Variants in RICTOR observed in about 807,000 individuals in gnomAD.
RICTOR encodes rapamycin-insensitive companion of mTOR.
A neutral mutation model predicts 214.9 loss-of-function variants in RICTOR; 49 were observed. The ratio of observed to expected loss-of-function variants is 0.23; its 90% confidence interval spans 0.18 to 0.29. RICTOR has a LOEUF of 0.29. Ranked by LOEUF, RICTOR falls within the 10% of genes least tolerant of loss-of-function variation. The probability of loss-of-function intolerance (pLI) is 1.00; values close to 1 mark genes in which losing one functional copy is unlikely to be tolerated. For synonymous variants in RICTOR, 717 were observed against 711.3 expected, an observed-to-expected ratio of 1.01 and a Z score of -0.13; for missense variants, 1,625 against 2,047.0, an observed-to-expected ratio of 0.79 and a Z score of 3.98.
rs367643259 is a variant in RICTOR, at chr5:39,054,515, T to A, written c.97+19596A>T. Reference sequence around the variant, plus strand: ...TATTCCCAAGGATAGATTCAACATCTAAATGAAAGCATCTAGCTGCAGCAG... The same window carrying A: ...TATTCCCAAGGATAGATTCAACATCAAAATGAAAGCATCTAGCTGCAGCAG... On this transcript the variant is annotated intron_variant, in intron 2 of 37. Coordinates refer to ENST00000357387, the MANE Select transcript of RICTOR (RefSeq NM_152756.5). Among the ~76,000 whole-genome samples the A allele has an allele frequency of 7.8e-3, 1,186 of 152,356 alleles. 21 individuals carry two copies. The highest frequency in any genetic ancestry group is 0.028 in the African/African-American group (1,154 of 41,566).
chr5:39,021,579 C>A (rs1303090190), intron 2 of RICTOR, among the ~76,000 whole-genome samples: 1 of 152,138 alleles, frequency 6.6e-6, no homozygotes, highest in Non-Finnish European at 1.5e-5. Context: ...CTCTCTCTTG[C>A]ATGCACCACC....
intron 2 of RICTOR, among the ~76,000 whole-genome samples, chr5:39,050,121 C>T (rs1486721733): frequency 6.6e-6 from 1 of 151,598 alleles, no homozygotes; most frequent in Non-Finnish European, 1.5e-5. Flanking sequence ...GACAGAAAAA[C>T]AGATTACCCA....
chr5:39,012,638 G>A (rs1212473950), intron 3 of RICTOR, among the ~76,000 whole-genome samples: 2 of 152,054 alleles, frequency 1.3e-5, no homozygotes, highest in Non-Finnish European at 2.9e-5. Flanking sequence ...ATTAATGTAA[G>A]TCATTAAAAT....
At chr5:39,055,017 AATTC>A (rs1345845981) in intron 2 of RICTOR, among the ~76,000 whole-genome samples, 7 of 152,316 alleles carry the variant, frequency 4.6e-5, no homozygotes, top group African/African-American at 1.4e-4. Flanking sequence ...TGAATGAAAG[AATTC>A]ATTCATTCAC....
intron 13 of RICTOR, 42 bp from the exon 14 acceptor site, chr5:38,967,269 A>C: frequency 6.3e-7 from 1 of 1,594,936 alleles, no homozygotes. Context: ...AAAGTTTCAT[A>C]GATTACACAG....
Position 38,959,806 on chromosome 5 carries a change from ATT to A in RICTOR, c.2022_2023del (p.Lys674AsnfsTer13). On this transcript the variant is annotated frameshift_variant, in exon 21 of 38. Coordinates refer to ENST00000357387, the MANE Select transcript of RICTOR (RefSeq NM_152756.5). LOFTEE classifies it high-confidence loss of function. ...CTGAAATACACTGCATTTTTCCAGC[ATT>A]TTAACTCCATGAGGGTGGCAAGAAA... 6.2e-7 allele frequency: 1 copy of A among 1,613,502 alleles called. No homozygotes were observed. The highest frequency in any genetic ancestry group is 8.5e-7 in the Non-Finnish European group (1 of 1,179,528).
At chr5:39,031,414 T>C (rs1332187091) in intron 2 of RICTOR, among the ~76,000 whole-genome samples, 3 of 152,206 alleles carry the variant, frequency 2.0e-5, no homozygotes, top group Non-Finnish European at 4.4e-5. Context: ...TACTCCTCTC[T>C]AAAGTTTCTG....
chr5:39,023,335 A>C (rs1230450321), intron 2 of RICTOR, among the ~76,000 whole-genome samples: 1 of 152,220 alleles, frequency 6.6e-6, no homozygotes, highest in Admixed American at 6.5e-5. Context: ...ATTGAAAAAA[A>C]AGAAGTTACA....
rs1747647535 is a variant in RICTOR at position 38,942,255 on chromosome 5, C to G, written c.*49G>C. 1.7e-6 allele frequency: 2 copies of G among 1,145,092 alleles called. No individual in the cohort carries two copies. The highest frequency in any genetic ancestry group is 4.9e-5 in the East Asian group (2 of 41,164). The allele number at this position is 1,145,092 out of a possible 1,614,324, so 70.9% of individuals were successfully genotyped here. On this transcript the variant is annotated 3_prime_UTR_variant, in exon 38 of 38. Transcript: ENST00000357387. ...TTTTCTGAGGCTTTTAGGAAATCCACAAATATGAATATATATAGTATGTAT... is the reference window on the plus strand; with the variant it reads ...TTTTCTGAGGCTTTTAGGAAATCCAGAAATATGAATATATATAGTATGTAT...
chr5:38,990,235 CAT>C (rs1752483594), intron 7 of RICTOR, among the ~76,000 whole-genome samples: 1 of 151,894 alleles, frequency 6.6e-6, no homozygotes, highest in Non-Finnish European at 1.5e-5. Flanking sequence ...AGCAAAATAA[CAT>C]AGGGGCAGAA....
chr5:38,968,077 T>C (rs776912648), intron 11 of RICTOR, 47 bp from the exon 12 acceptor site: 8 of 1,063,542 alleles, frequency 7.5e-6, no homozygotes, highest in Non-Finnish European at 1.2e-5. Context: ...TGAAACACTT[T>C]TAAGATTTTT....
chr5:39,016,518 A>G (rs181883178), intron 3 of RICTOR, among the ~76,000 whole-genome samples: 5 of 152,226 alleles, frequency 3.3e-5, no homozygotes, highest in Admixed American at 3.3e-4. Context: ...AACTTAGTGA[A>G]ATACTGTGGG....
chr5:39,068,046 T>G (rs1759025390), intron 2 of RICTOR, among the ~76,000 whole-genome samples: 1 of 152,116 alleles, frequency 6.6e-6, no homozygotes, highest in African/African-American at 2.4e-5. Flanking sequence ...CAATGGTAAC[T>G]GCAATTTAGA....
intron 5 of RICTOR, among the ~76,000 whole-genome samples, chr5:38,998,476 C>T (rs1753344658): frequency 1.3e-5 from 2 of 152,144 alleles, no homozygotes; most frequent in Non-Finnish European, 2.9e-5. Context: ...CATGAGCCAC[C>T]AAGCCCAGCC....
Position 38,945,655 on chromosome 5 carries a change from G to C in RICTOR, c.4469C>G (p.Thr1490Arg), listed in dbSNP as rs1032272899. 1.9e-6 allele frequency: 3 copies of C among 1,613,936 alleles called. No individual in the cohort carries two copies. The highest frequency in any genetic ancestry group is 1.7e-6 in the Non-Finnish European group (2 of 1,179,842). Residue 1490 changes from threonine to arginine, a missense_variant, in exon 34 of 38, where the codon ACG becomes AGG. Around this residue, in one of 5 missense-constraint regions of RICTOR, gnomAD observed 1,214 missense variants for 1,470.5 expected, o/e 0.83. Coordinates refer to ENST00000357387, the MANE Select transcript of RICTOR (RefSeq NM_152756.5). ...FHLLRQQMSLTEIMNSIHSDA... is the reference protein window; with the variant it reads ...FHLLRQQMSLREIMNSIHSDA... Reference sequence around the variant, plus strand: ...TGAATGGATTGAATTCATTATTTCCGTAAGACTCATCTGCTGTCGTAGCAA... The same window carrying C: ...TGAATGGATTGAATTCATTATTTCCCTAAGACTCATCTGCTGTCGTAGCAA...
intron 3 of RICTOR, among the ~76,000 whole-genome samples, chr5:39,007,815 A>C (rs1754195614): frequency 6.6e-6 from 1 of 150,420 alleles, no homozygotes; most frequent in Non-Finnish European, 1.5e-5. Context: ...AATAGTTTTA[A>C]ATATTGTATA....
intron 2 of RICTOR, among the ~76,000 whole-genome samples, chr5:39,044,980 T>C (rs1757395476): frequency 6.6e-6 from 1 of 152,200 alleles, no homozygotes; most frequent in South Asian, 2.1e-4. Flanking sequence ...AGTGAATTTA[T>C]AAAGATTTTC....
chr5:38,971,285 G>A (rs545788254), intron 11 of RICTOR: 1 of 152,456 alleles, frequency 6.6e-6, no homozygotes, highest in East Asian at 1.9e-4. Flanking sequence ...ACCTGCCTTG[G>A]CCTCCCAAAG....
At chr5:39,024,726 G>A (rs1170304647) in intron 2 of RICTOR, among the ~76,000 whole-genome samples, 1 of 152,204 alleles carries the variant, frequency 6.6e-6, no homozygotes, top group Non-Finnish European at 1.5e-5. Flanking sequence ...TGATCTAACA[G>A]GACTAATAGT....
Sources: allele counts gnomAD v4.1 joint callset (sites outside exome capture counted in the v4.1 genomes callset), GRCh38; gene constraint gnomAD v4.1.1; regional missense constraint gnomAD v4.1.1; transcripts MANE v1.5; gene names NCBI Gene and HGNC (gene_info 2026-07-23, HGNC 2026-07-21).